B3GALT1: variants seen among roughly 807,000 people sequenced by gnomAD.
The protein encoded by B3GALT1 is beta-1,3-galactosyltransferase 1, also known as UDP-Gal:betaGlcNAc beta 1,3-galactosyltransferase, polypeptide 1.
In B3GALT1, 10 loss-of-function variants were observed where a neutral mutation model predicts 23.2. The observed-to-expected ratio is 0.43, with a 90% confidence interval of 0.27 to 0.73. B3GALT1 has a LOEUF of 0.73. Ranked by LOEUF, B3GALT1 falls within the 30% of genes least tolerant of loss-of-function variation. The pLI, the probability that B3GALT1 is intolerant of heterozygous loss-of-function variation, is 0.21. For missense variants in B3GALT1, 299 were observed against 405.4 expected, an observed-to-expected ratio of 0.74 and a Z score of 2.25; for synonymous variants, 156 against 141.5, an observed-to-expected ratio of 1.10 and a Z score of -0.73.
chr2:167,808,856 C>T (rs1688818289), intron 3 of B3GALT1, among the ~76,000 whole-genome samples: 1 of 152,186 alleles, frequency 6.6e-6, no homozygotes, highest in African/African-American at 2.4e-5. Flanking sequence ...GGAAGCTCTC[C>T]TGGATAATAT....
intron 1 of B3GALT1, among the ~76,000 whole-genome samples, chr2:167,343,684 C>G (rs1697185302): frequency 6.6e-6 from 1 of 152,076 alleles, no homozygotes; most frequent in Non-Finnish European, 1.5e-5. Context: ...AGAACCCCAA[C>G]TTTAATTTCT....
At chr2:167,455,343 C>G (rs1176521624) in intron 1 of B3GALT1, among the ~76,000 whole-genome samples, 1 of 152,052 alleles carries the variant, frequency 6.6e-6, no homozygotes. Flanking sequence ...TTATGAAAAT[C>G]TTATCATTTT....
intron 3 of B3GALT1, among the ~76,000 whole-genome samples, chr2:167,686,151 A>G (rs1328982468): frequency 1.3e-5 from 2 of 152,196 alleles, no homozygotes; most frequent in East Asian, 1.9e-4. Context: ...TAGATAGTAC[A>G]CTAGGATTTA....
intron 3 of B3GALT1, among the ~76,000 whole-genome samples, chr2:167,774,653 G>A (rs748803086): frequency 5.3e-5 from 8 of 151,254 alleles, no homozygotes; most frequent in Admixed American, 1.3e-4. Flanking sequence ...ATGTGCCACC[G>A]CTCCTGGCTA....
At position 167,515,234 on chromosome 2, in the gene B3GALT1, T is replaced by C. The variant is rs78603472; in HGVS notation, c.-410+24957T>C. 3.8e-3 allele frequency among the ~76,000 whole-genome samples: 586 copies of C among 152,246 alleles called. 2 individuals carry two copies. Among genetic ancestry groups the C allele is most frequent in the African/African-American group, 0.013 (560 of 41,566 alleles). On this transcript the variant is annotated intron_variant, in intron 2 of 4. Transcript: ENST00000392690. Reference sequence around the variant, plus strand: ...TTCAGAGAAACATTAGAGATTTTCCTCTAGAGGTAAGTAAGTATATAGATT... The same window carrying C: ...TTCAGAGAAACATTAGAGATTTTCCCCTAGAGGTAAGTAAGTATATAGATT...
chr2:167,786,719 G>A (rs1212760986), intron 3 of B3GALT1, among the ~76,000 whole-genome samples: 2 of 152,128 alleles, frequency 1.3e-5, no homozygotes, highest in Non-Finnish European at 2.9e-5. Context: ...GTATCTACTA[G>A]TATTTCTTTT....
At chr2:167,313,262 A>G (rs1401808033) in intron 1 of B3GALT1, among the ~76,000 whole-genome samples, 2 of 152,048 alleles carry the variant, frequency 1.3e-5, no homozygotes, top group Non-Finnish European at 2.9e-5. Context: ...GCTGTTCCCT[A>G]CTTTTTATAG....
chr2:167,839,874 G>A (rs1346504823), intron 4 of B3GALT1, among the ~76,000 whole-genome samples: 19 of 152,080 alleles, frequency 1.2e-4, no homozygotes, highest in East Asian at 3.9e-4. Context: ...AAATAACGCC[G>A]CATATCTGCA....
intron 1 of B3GALT1, among the ~76,000 whole-genome samples, chr2:167,303,547 A>G (rs1202477466): frequency 6.6e-6 from 1 of 152,066 alleles, no homozygotes. Flanking sequence ...ATGAATGGGA[A>G]TCATCCTGAA....
intron 1 of B3GALT1, among the ~76,000 whole-genome samples, chr2:167,479,115 C>T (rs1699528531): frequency 6.6e-6 from 1 of 151,760 alleles, no homozygotes; most frequent in African/African-American, 2.4e-5. Flanking sequence ...AAAAGAAATG[C>T]TGTTTACTAG....
At chr2:167,817,515 C>T (rs1241146143) in intron 3 of B3GALT1, among the ~76,000 whole-genome samples, 2 of 152,136 alleles carry the variant, frequency 1.3e-5, no homozygotes, top group Admixed American at 6.5e-5. Flanking sequence ...AGTCTCTAAA[C>T]CCAACCCATA....
intron 1 of B3GALT1, among the ~76,000 whole-genome samples, chr2:167,329,686 GTA>G (rs1696943812): frequency 6.6e-6 from 1 of 152,140 alleles, no homozygotes; most frequent in South Asian, 2.1e-4. Context: ...ATTATTTCTT[GTA>G]GGGCTGGTCT....
intron 3 of B3GALT1, among the ~76,000 whole-genome samples, chr2:167,713,127 T>C (rs543511492): frequency 1.6e-4 from 25 of 152,306 alleles, no homozygotes; most frequent in African/African-American, 5.5e-4. Context: ...TTCTTACTAC[T>C]AATGAAACAT....
chr2:167,444,391 T>G (rs1457549260), intron 1 of B3GALT1, among the ~76,000 whole-genome samples: 1 of 152,258 alleles, frequency 6.6e-6, no homozygotes, highest in Non-Finnish European at 1.5e-5. Context: ...TACAATGAGT[T>G]AGGGCAGATT....
At chr2:167,597,820 A>G (rs1366977343) in intron 2 of B3GALT1, among the ~76,000 whole-genome samples, 3 of 152,240 alleles carry the variant, frequency 2.0e-5, no homozygotes, top group African/African-American at 4.8e-5. Context: ...CAATAATGCC[A>G]TCTTTGAATA....
intron 1 of B3GALT1, among the ~76,000 whole-genome samples, chr2:167,450,642 G>A (rs368030882): frequency 6.6e-6 from 1 of 152,092 alleles, no homozygotes; most frequent in African/African-American, 2.4e-5. Flanking sequence ...CCTTCATCTT[G>A]TCTTTAGATA....
rs566531643 is a variant in B3GALT1, at chr2:167,764,189, C to A, written c.-351-54483C>A. Among the ~76,000 whole-genome samples, 28 of 152,298 alleles carry A rather than the reference C, an allele frequency of 1.8e-4. No homozygotes were observed. In the South Asian group the frequency reaches 5.8e-3, roughly 32 times the overall value. Reference sequence around the variant, plus strand: ...AGCATCAAGTGCCCCGTTCCCTTCACAAAAGTTTTCTGGTTCATTCGAGTC... The same window carrying A: ...AGCATCAAGTGCCCCGTTCCCTTCAAAAAAGTTTTCTGGTTCATTCGAGTC... On this transcript the variant is annotated intron_variant, in intron 3 of 4. Coordinates refer to ENST00000392690, the MANE Select transcript of B3GALT1 (RefSeq NM_020981.4).
At chr2:167,437,380 C>T (rs1458692214) in intron 1 of B3GALT1, among the ~76,000 whole-genome samples, 2 of 152,172 alleles carry the variant, frequency 1.3e-5, no homozygotes, top group Admixed American at 6.6e-5. Context: ...AGTTATGCTT[C>T]CTGTGTGGGC....
intron 3 of B3GALT1, among the ~76,000 whole-genome samples, chr2:167,675,183 C>T (rs1686402160): frequency 6.6e-6 from 1 of 152,154 alleles, no homozygotes; most frequent in African/African-American, 2.4e-5. Context: ...AAAATGGCCT[C>T]TACTTGGAAA....
Sources: gnomAD v4.1 joint callset for allele counts (sites outside exome capture counted in the v4.1 genomes callset) on GRCh38, gnomAD v4.1.1 for gene constraint, MANE v1.5 for transcripts, NCBI Gene and HGNC (gene_info 2026-07-23, HGNC 2026-07-21) for gene names.